Variants in TRIM15 observed in about 807,000 individuals in gnomAD.
TRIM15 encodes the protein tripartite motif containing 15, also known as E3 ubiquitin-protein ligase TRIM15.
Under a neutral mutation model 35.8 loss-of-function variants are expected in TRIM15, and 35 were observed. The ratio of observed to expected loss-of-function variants is 0.98; its 90% CI spans 0.75 to 1.30. The LOEUF is 1.30. TRIM15 is among the 50% of genes most tolerant of loss of function. The pLI, the probability that TRIM15 is intolerant of heterozygous loss-of-function variation, is 0.00. For missense variants in TRIM15, 590 were observed against 593.5 expected, an observed-to-expected ratio of 0.99 and a Z score of 0.06; for synonymous variants, 252 against 249.8, an observed-to-expected ratio of 1.01 and a Z score of -0.08.
chr6:30,169,131 C>G, intron 3 of TRIM15, 110 bp from the exon 4 acceptor site: 2 of 1,291,312 alleles, frequency 1.5e-6, no homozygotes, highest in Non-Finnish European at 1.1e-6. Context: ...GGACAACTCT[C>G]TGCAGAAGGA....
chr6:30,164,672 G>A (rs1773455462), intron 1 of TRIM15, among the ~76,000 whole-genome samples: 1 of 152,132 alleles, frequency 6.6e-6, no homozygotes, highest in Non-Finnish European at 1.5e-5. Context: ...TATCCTCACA[G>A]CCAGGTTCTC....
chr6:30,172,693 A>G lies in TRIM15; in HGVS notation c.*344A>G. On this transcript the variant is annotated 3_prime_UTR_variant, in exon 7 of 7. Coordinates refer to ENST00000376694, the MANE Select transcript of TRIM15 (RefSeq NM_033229.3). ...AATAAAATGTTTAAACTGTTTCAAA[A>G]TAATTATCTTGGGAAAAATCAGGGT... is the stretch of plus-strand genomic sequence containing the variant. The G allele has an allele frequency of 2.1e-6, 1 of 478,234 alleles. No homozygotes were observed. Among genetic ancestry groups the G allele is most frequent in the Non-Finnish European group, 3.9e-6 (1 of 254,164 alleles). 29.6% of individuals were successfully genotyped at this position (478,234 alleles called of 1,614,324 possible). A position where few individuals can be genotyped will look rare whatever the true frequency, so the allele number is the denominator to read the frequency against.
At chr6:30,169,164 G>A in intron 3 of TRIM15, 77 bp from the exon 4 acceptor site, 4 of 1,561,936 alleles carry the variant, frequency 2.6e-6, no homozygotes, top group Non-Finnish European at 3.5e-6. Context: ...CATATTTTAA[G>A]GGAAAAGTGA....
At position 30,168,484 on chromosome 6, in the gene TRIM15, A is replaced by T. The variant is rs1433174643; in HGVS notation, c.662A>T (p.Lys221Met). ...GTCACCCGGCTTGGAGCCCAGGTCAAGGAGCTGGAGGAGAAGTGTCAGCAG... is the reference window on the plus strand; with the variant it reads ...GTCACCCGGCTTGGAGCCCAGGTCATGGAGCTGGAGGAGAAGTGTCAGCAG... ...EEVTRLGAQV[K>M]ELEEKCQQPA... Residue 221 changes from lysine (K) to methionine (M), a missense_variant, in exon 3 of 7, where the codon AAG becomes ATG. Transcript: ENST00000376694. The T allele has an allele frequency of 6.2e-7, 1 of 1,609,052 alleles. No individual in the cohort carries two copies. The highest frequency in any genetic ancestry group is 1.1e-5 in the South Asian group (1 of 90,384).
At chr6:30,171,742 G>C in intron 6 of TRIM15, 90 bp from the exon 7 acceptor site, 1 of 1,429,758 alleles carries the variant, frequency 7.0e-7, no homozygotes, top group Non-Finnish European at 9.2e-7. Context: ...CCCAAGTCCA[G>C]TACTCCTTCT....
chr6:30,164,847 A>T (rs1002983063), intron 1 of TRIM15, among the ~76,000 whole-genome samples: 12 of 152,144 alleles, frequency 7.9e-5, no homozygotes, highest in Admixed American at 2.0e-4. Flanking sequence ...AGAAAGTCCA[A>T]GGTCTTTAGC....
chr6:30,172,364 AG>A lies in TRIM15; in HGVS notation c.*18del. 1 of 1,577,910 alleles carries A rather than the reference AG, an allele frequency of 6.3e-7. No individual in the cohort carries two copies. Among genetic ancestry groups the A allele is most frequent in the Non-Finnish European group, 8.6e-7 (1 of 1,162,456 alleles). Reference sequence around the variant, plus strand: ...TGAAAGGCTGAAGTGGGGCGCGCGAAGGGCGGCGAAGCGGAGACGGCGGCTC... The same window carrying A: ...TGAAAGGCTGAAGTGGGGCGCGCGAAGGCGGCGAAGCGGAGACGGCGGCTC... On this transcript the variant is annotated 3_prime_UTR_variant, in exon 7 of 7. Transcript: ENST00000376694.
At position 30,170,581 on chromosome 6, in the gene TRIM15, T is replaced by C. The variant is rs1455816106; in HGVS notation, c.812T>C (p.Ile271Thr). Residue 271 changes from isoleucine (I) to threonine (T), a missense_variant, in exon 5 of 7, where the codon ATA becomes ACA. Coordinates refer to ENST00000376694, the MANE Select transcript of TRIM15 (RefSeq NM_033229.3). ...AAGATCCGTGATTTCCACAGGAAAA[T>C]ACTCACCCTCCCAGAGATGATGAGG... ...VKKIRDFHRK[I>T]LTLPEMMRMF... is the part of the protein sequence containing the mutation. 1.2e-6 allele frequency: 2 copies of C among 1,614,042 alleles called. No homozygotes were observed. The highest frequency in any genetic ancestry group is 1.7e-5 in the Admixed American group (1 of 60,008).
chr6:30,166,797 T>A lies in TRIM15; in HGVS notation c.382-379T>A, dbSNP rs143154852. 1.3e-4 allele frequency among the ~76,000 whole-genome samples: 20 copies of A among 152,336 alleles called. No individual in the cohort carries two copies. In the East Asian group the frequency reaches 3.7e-3, roughly 28 times the overall value. ...GATTTCCTTGAGCAGTGGTTTGTAGTTCTCCTTGAAGAGGTCCTTCACATC... is the reference window on the plus strand; with the variant it reads ...GATTTCCTTGAGCAGTGGTTTGTAGATCTCCTTGAAGAGGTCCTTCACATC... On this transcript the variant is annotated intron_variant, in intron 1 of 6. Coordinates refer to ENST00000376694, the MANE Select transcript of TRIM15 (RefSeq NM_033229.3).
intron 5 of TRIM15, 104 bp from the exon 6 acceptor site, chr6:30,170,872 C>T (rs770465980): frequency 1.4e-4 from 187 of 1,348,408 alleles, no homozygotes; most frequent in Non-Finnish European, 1.9e-4. Flanking sequence ...GAAGCCGAGT[C>T]TTCTGTCCTC....
chr6:30,170,725 TC>T (rs1015694200), intron 5 of TRIM15, 109 bp downstream of exon 5: 11 of 878,808 alleles, frequency 1.3e-5, no homozygotes, highest in African/African-American at 6.8e-5. Flanking sequence ...ACATCTTCCC[TC>T]CCCAGAGCCT....
Position 30,171,993 on chromosome 6 carries a change from C to T in TRIM15, c.1042C>T (p.Arg348Cys), listed in dbSNP as rs1283640814. The T allele has an allele frequency of 6.3e-7, 1 of 1,581,372 alleles. No individual in the cohort carries two copies. The highest frequency in any genetic ancestry group is 8.6e-7 in the Non-Finnish European group (1 of 1,163,266). The change falls in exon 7 of 7, where the codon CGC becomes TGC. Residue 348 changes from arginine to cysteine, a missense_variant. Physicochemically the swap from Arg to Cys is radical, Grantham distance 180. Transcript: ENST00000376694. ...VLGFPGFSSGRHRWQVDLQLG... is the reference protein window; with the variant it reads ...VLGFPGFSSGCHRWQVDLQLG... Reference sequence around the variant, plus strand: ...GGGCTTCCCGGGCTTCTCCTCCGGGCGCCACCGCTGGCAGGTTGACCTGCA... The same window carrying T: ...GGGCTTCCCGGGCTTCTCCTCCGGGTGCCACCGCTGGCAGGTTGACCTGCA...
Position 30,168,464 on chromosome 6 carries a change from C to T in TRIM15, c.642C>T (p.Thr214=), listed in dbSNP as rs1208325703. Residue 214 remains threonine (T), a synonymous_variant, in exon 3 of 7, where the codon ACC becomes ACT. Coordinates refer to ENST00000376694, the MANE Select transcript of TRIM15 (RefSeq NM_033229.3). ...TCACAAAGGTCTCTGAGGAAGTCACCCGGCTTGGAGCCCAGGTCAAGGAGC... is the reference window on the plus strand; with the variant it reads ...TCACAAAGGTCTCTGAGGAAGTCACTCGGCTTGGAGCCCAGGTCAAGGAGC... ...EYITKVSEEV[T]RLGAQVKELE... is the part of the protein sequence containing the mutation. 1.2e-6 allele frequency: 2 copies of T among 1,611,478 alleles called. No individual in the cohort carries two copies. The highest frequency in any genetic ancestry group is 1.7e-6 in the Non-Finnish European group (2 of 1,179,282).
In TRIM15 at chr6:30,168,437, T is replaced by C. The variant is rs1267095877; in HGVS notation, c.615T>C (p.Tyr205=). 1.9e-6 allele frequency: 3 copies of C among 1,612,352 alleles called. No individual in the cohort carries two copies. Among genetic ancestry groups the C allele is most frequent in the Non-Finnish European group, 1.7e-6 (2 of 1,179,806 alleles). The part of the protein sequence containing the change: ...EQQIWKERDE[Y]ITKVSEEVTR... ...AGATTTGGAAGGAGAGGGATGAATA[T>C]ATCACAAAGGTCTCTGAGGAAGTCA... The change falls in exon 3 of 7, where the codon TAT becomes TAC. Residue 205 remains tyrosine, a synonymous_variant. Transcript: ENST00000376694.
intron 3 of TRIM15, 47 bp from the exon 4 acceptor site, chr6:30,169,194 G>A (rs1562148041): frequency 6.2e-7 from 1 of 1,612,200 alleles, no homozygotes; most frequent in Non-Finnish European, 8.5e-7. Context: ...TCCCTGACAG[G>A]AAGGACTTAT....
intron 2 of TRIM15, 39 bp from the exon 3 acceptor site, chr6:30,168,261 A>G: frequency 6.4e-7 from 1 of 1,564,710 alleles, no homozygotes; most frequent in Non-Finnish European, 8.7e-7. Flanking sequence ...GCTATCTCTG[A>G]GCCCCTTCCT....
intron 2 of TRIM15, among the ~76,000 whole-genome samples, chr6:30,167,618 C>T (rs116487075): frequency 0.014 from 2,148 of 152,314 alleles, 30 homozygotes; most frequent in Middle Eastern, 0.041. Flanking sequence ...GTCTGTTTGC[C>T]TGAACACACC....
rs916843368 is a variant in TRIM15 at position 30,172,433 on chromosome 6, G to A, written c.*84G>A. 6 of 1,510,382 alleles carry A rather than the reference G, an allele frequency of 4.0e-6. No homozygotes were observed. The highest frequency in any genetic ancestry group is 2.3e-5 in the East Asian group (1 of 44,116). The allele number at this position is 1,510,382 out of a possible 1,614,324, so 93.6% of individuals were successfully genotyped here. ...CCCCTGGCCAGTGTGCGGCCCGGGG[G>A]CTCCCTGTGCCCGCGTGAGGCGAGA... On this transcript the variant is annotated 3_prime_UTR_variant, in exon 7 of 7. Coordinates refer to ENST00000376694, the MANE Select transcript of TRIM15 (RefSeq NM_033229.3).
At chr6:30,168,919 T>C (rs1422922767) in intron 3 of TRIM15, among the ~76,000 whole-genome samples, 1 of 152,160 alleles carries the variant, frequency 6.6e-6, no homozygotes, top group East Asian at 1.9e-4. Flanking sequence ...GTTATGAATA[T>C]GTGATCCTGG....
Sources: allele counts gnomAD v4.1 joint callset (sites outside exome capture counted in the v4.1 genomes callset), GRCh38; gene constraint gnomAD v4.1.1; transcripts MANE v1.5; gene names NCBI Gene and HGNC (gene_info 2026-07-23, HGNC 2026-07-21).